FBXO38: variants seen among roughly 807,000 people sequenced by gnomAD.
FBXO38 encodes F-box only protein 38.
A neutral mutation model predicts 131.9 loss-of-function variants in FBXO38; 53 were observed. That is an observed-to-expected ratio of 0.40 (90% CI 0.32 to 0.51). The LOEUF is 0.51. Ranked by LOEUF, FBXO38 falls within the 20% of genes least tolerant of loss-of-function variation. The pLI is 0.53. For missense variants in FBXO38, 1,076 were observed against 1,475.6 expected (o/e 0.73, Z 4.44); for synonymous variants, 452 against 505.6 (o/e 0.89, Z 1.42).
chr5:148,438,010 T>C (rs1271217318), intron 17 of FBXO38, among the ~76,000 whole-genome samples: 1 of 152,202 alleles, frequency 6.6e-6, no homozygotes, highest in Non-Finnish European at 1.5e-5. Flanking sequence ...GGTCTGACTA[T>C]TGACTATAAA....
intron 1 of FBXO38, chr5:148,389,726 T>G (rs1758098004): frequency 6.6e-6 from 1 of 152,084 alleles, no homozygotes; most frequent in African/African-American, 2.4e-5. Flanking sequence ...AGAGAAAGGG[T>G]GCACATTAAA....
intron 2 of FBXO38, among the ~76,000 whole-genome samples, chr5:148,397,168 G>A (rs893944241): frequency 6.6e-6 from 1 of 152,070 alleles, no homozygotes; most frequent in African/African-American, 2.4e-5. Flanking sequence ...TAACTACATA[G>A]CATGTCTTCA....
chr5:148,395,373 C>T (rs1330012115), intron 2 of FBXO38, among the ~76,000 whole-genome samples: 1 of 151,960 alleles, frequency 6.6e-6, no homozygotes. Flanking sequence ...CCCATCATAA[C>T]TAAATGCAGT....
intron 6 of FBXO38, among the ~76,000 whole-genome samples, chr5:148,405,854 G>T (rs1394414532): frequency 6.6e-6 from 1 of 152,146 alleles, no homozygotes; most frequent in African/African-American, 2.4e-5. Context: ...TCAACTGCAG[G>T]TTTTTTGATG....
intron 12 of FBXO38, among the ~76,000 whole-genome samples, chr5:148,422,432 C>T (rs556332362): frequency 3.9e-5 from 6 of 152,264 alleles, no homozygotes; most frequent in African/African-American, 9.6e-5. Flanking sequence ...GATGTCTTTC[C>T]TTGCCATCTG....
intron 13 of FBXO38, among the ~76,000 whole-genome samples, chr5:148,424,502 A>G (rs181021496): frequency 1.3e-5 from 2 of 152,350 alleles, no homozygotes; most frequent in African/African-American, 4.8e-5. Context: ...CTGGTTTAGT[A>G]AACAAACCAA....
At chr5:148,410,558 T>TA (rs1752691639) in intron 8 of FBXO38, 77 bp from the exon 9 acceptor site, 1 of 1,538,742 alleles carries the variant, frequency 6.5e-7, no homozygotes, top group Non-Finnish European at 8.9e-7. Context: ...AACGGACTAA[T>TA]ACACTTATAT....
intron 6 of FBXO38, among the ~76,000 whole-genome samples, chr5:148,405,047 C>T (rs1273806735): frequency 6.7e-6 from 1 of 149,894 alleles, no homozygotes; most frequent in Non-Finnish European, 1.5e-5. Context: ...CAGAATATCT[C>T]TATTTTTTAC....
At chr5:148,414,525 C>A (rs983821568) in intron 10 of FBXO38, among the ~76,000 whole-genome samples, 1 of 152,088 alleles carries the variant, frequency 6.6e-6, no homozygotes, top group African/African-American at 2.4e-5. Context: ...TGTATACTCT[C>A]CAGGTTGTGG....
At chr5:148,417,305 A>C (rs1169360040) in intron 12 of FBXO38, 101 bp downstream of exon 12, 9 of 845,694 alleles carry the variant, frequency 1.1e-5, no homozygotes, top group East Asian at 5.3e-5. Context: ...TCAACTTGTC[A>C]CTTTCCACAT....
intron 12 of FBXO38, among the ~76,000 whole-genome samples, chr5:148,421,453 T>C (rs1254156763): frequency 6.6e-6 from 1 of 152,056 alleles, no homozygotes; most frequent in East Asian, 1.9e-4. Flanking sequence ...CCACTAAATA[T>C]TATATCTGAT....
intron 12 of FBXO38, among the ~76,000 whole-genome samples, chr5:148,422,186 T>G (rs1254747419): frequency 6.6e-6 from 1 of 152,206 alleles, no homozygotes; most frequent in Non-Finnish European, 1.5e-5. Context: ...CTCAAAACTT[T>G]TTAATAGCTT....
At position 148,424,065 on chromosome 5, in the gene FBXO38, T is replaced by C. The variant is rs1035906560; in HGVS notation, c.1686T>C (p.Thr562=). The C allele has an allele frequency of 1.9e-6, 3 of 1,613,560 alleles. No individual in the cohort carries two copies. The Admixed American group carries it at 5.0e-5, about 27-fold the overall frequency. ...TGGTGGCCGAGAGTGGAAATAATAC[T>C]CCAGCTCACAGCCAGGCAATTATTC... is the stretch of plus-strand genomic sequence containing the variant. ...GEVVAESGNN[T]PAHSQAIIPV... is the part of the protein sequence containing the mutation. Residue 562 remains threonine (T), a synonymous_variant, in exon 13 of 22, where the codon ACT becomes ACC. Coordinates refer to ENST00000340253, the MANE Select transcript of FBXO38 (RefSeq NM_205836.3).
At chr5:148,419,477 T>A (rs1753272341) in intron 12 of FBXO38, among the ~76,000 whole-genome samples, 1 of 152,192 alleles carries the variant, frequency 6.6e-6, no homozygotes, top group Non-Finnish European at 1.5e-5. Context: ...GGGAATTATG[T>A]TAAACAGTTG....
intron 3 of FBXO38, among the ~76,000 whole-genome samples, chr5:148,401,572 G>A (rs886555723): frequency 3.9e-5 from 6 of 152,124 alleles, no homozygotes; most frequent in African/African-American, 1.4e-4. Context: ...TTAGTTATGT[G>A]TTCTATAGAG....
At chr5:148,427,138 A>C (rs1334533621) in intron 14 of FBXO38, 75 bp from the exon 15 acceptor site, 13 of 1,490,998 alleles carry the variant, frequency 8.7e-6, no homozygotes, top group Non-Finnish European at 1.1e-5. Context: ...TTCCAAATTT[A>C]CTCTTGCGTT....
chr5:148,402,680 C>T (rs1752222272), intron 5 of FBXO38, 167 bp downstream of exon 5: 4 of 544,882 alleles, frequency 7.3e-6, no homozygotes, highest in Admixed American at 6.8e-5. Context: ...CATTAAAGAT[C>T]CACTGGTGTG....
rs756515762 is a variant in FBXO38, at chr5:148,427,822, G to A, written c.2528G>A (p.Gly843Asp). The A allele has an allele frequency of 4.4e-6, 7 of 1,607,034 alleles. No homozygotes were observed. In the Admixed American group the frequency reaches 6.7e-5, roughly 15 times the overall value. Residue 843 changes from glycine to aspartate, a missense_variant, in exon 15 of 22, where the codon GGT becomes GAT. Coordinates refer to ENST00000340253, the MANE Select transcript of FBXO38 (RefSeq NM_205836.3). Reference sequence around the variant, plus strand: ...AATGGGAGTGGCTCTGGGGCTACAGGTGAGGACAGGAGGGGGAGCTCCCAG... The same window carrying A: ...AATGGGAGTGGCTCTGGGGCTACAGATGAGGACAGGAGGGGGAGCTCCCAG... Reference protein sequence around the residue: ...RTNGSGSGATGEDRRGSSQPE... With the variant: ...RTNGSGSGATDEDRRGSSQPE...
intron 3 of FBXO38, 43 bp from the exon 4 acceptor site, chr5:148,401,939 A>C: frequency 6.5e-7 from 1 of 1,534,204 alleles, no homozygotes. Flanking sequence ...ATGTTAATGA[A>C]CAGAAAGATG....
Sources: allele counts gnomAD v4.1 joint callset (sites outside exome capture counted in the v4.1 genomes callset), GRCh38; gene constraint gnomAD v4.1.1; transcripts MANE v1.5; gene names NCBI Gene and HGNC (gene_info 2026-07-23, HGNC 2026-07-21).